The following USP3 variants were observed in gnomAD, a reference collection of about 807,000 sequenced individuals.
The protein encoded by USP3 is ubiquitin specific peptidase 3.
USP3 carries 20 observed loss-of-function variants against 72.3 expected under a neutral mutation model. The observed-to-expected ratio is 0.28, with a 90% CI of 0.19 to 0.40. The LOEUF is 0.40. Among genes scored for constraint, USP3 ranks in the 10% least tolerant of loss-of-function variants. The pLI is 1.00. For missense variants in USP3, 479 were observed against 633.9 expected, an observed-to-expected ratio of 0.76 and a Z score of 2.62; for synonymous variants, 222 against 225.3, an observed-to-expected ratio of 0.99 and a Z score of 0.13.
rs545943861 is a variant in USP3, at chr15:63,568,352, TA to T, written c.762-2061del. 7.3e-3 allele frequency among the ~76,000 whole-genome samples: 966 copies of T among 131,436 alleles called. 11 individuals are homozygous for T. The highest frequency in any genetic ancestry group is 0.019 in the African/African-American group (664 of 35,012). The allele number at this position is 131,436 out of a possible 152,430, so 86.2% of individuals were successfully genotyped here. On this transcript the variant is annotated intron_variant, in intron 8 of 14. Coordinates refer to ENST00000380324, the MANE Select transcript of USP3 (RefSeq NM_006537.4). Reference sequence around the variant, plus strand: ...CCTGACGACAGAGCGAGACTCCATCTAAAAAAAAAAAAAAAAAAAATTGGAG... The same window carrying T: ...CCTGACGACAGAGCGAGACTCCATCTAAAAAAAAAAAAAAAAAAATTGGAG...
chr15:63,518,322 A>G (rs569902930), intron 1 of USP3, among the ~76,000 whole-genome samples: 15 of 152,322 alleles, frequency 9.8e-5, no homozygotes, highest in Non-Finnish European at 1.8e-4. Context: ...TTGGATAGGT[A>G]TATGCCTGTG....
At chr15:63,569,844 A>G (rs1027795540) in intron 8 of USP3, among the ~76,000 whole-genome samples, 2 of 152,258 alleles carry the variant, frequency 1.3e-5, no homozygotes, top group South Asian at 2.1e-4. Flanking sequence ...GCATAACTGT[A>G]TATGAGCCAA....
At position 63,588,339 on chromosome 15, in the gene USP3, T is replaced by C; in HGVS notation, c.1131T>C (p.Leu377=). 1 of 1,599,162 alleles carries C rather than the reference T, an allele frequency of 6.3e-7. No homozygotes were observed. Among genetic ancestry groups the C allele is most frequent in the Non-Finnish European group, 8.5e-7 (1 of 1,176,416 alleles). The change falls in exon 12 of 15, where the codon CTT becomes CTC. Residue 377 remains leucine, a synonymous_variant. Transcript: ENST00000380324. The surrounding 1 kb of genome is among the most constrained non-coding windows in gnomAD (Gnocchi z 4.6). ...GCAGTTTTACCGACTTAGAAGAACT[T>C]GATGAGACAGAGTTATATATGTGCC... ...CLRSFTDLEE[L]DETELYMCHK... is the part of the protein sequence containing the mutation.
intron 1 of USP3, chr15:63,532,446 T>G: frequency 1.6e-6 from 1 of 620,816 alleles, no homozygotes; most frequent in Non-Finnish European, 2.9e-6. Context: ...AATGAGCCGC[T>G]GTTGTGGACA....
In USP3 at chr15:63,531,226, G is replaced by A. The variant is rs192849842; in HGVS notation, c.92-1421G>A. Among the ~76,000 whole-genome samples the A allele has an allele frequency of 2.4e-4, 37 of 152,254 alleles. No individual in the cohort carries two copies. The East Asian group carries it at 6.9e-3, about 29-fold the overall frequency. Reference sequence around the variant, plus strand: ...CAAATATAGGATGAACATAGTCAAAGATTTATTTAACTCATTAATGAGGGA... The same window carrying A: ...CAAATATAGGATGAACATAGTCAAAAATTTATTTAACTCATTAATGAGGGA... On this transcript the variant is annotated intron_variant, in intron 1 of 14. Coordinates refer to ENST00000380324, the MANE Select transcript of USP3 (RefSeq NM_006537.4).
At chr15:63,547,974 A>G (rs1034979614) in intron 3 of USP3, among the ~76,000 whole-genome samples, 3 of 151,560 alleles carry the variant, frequency 2.0e-5, no homozygotes, top group African/African-American at 7.3e-5. Flanking sequence ...TTAGCCAAGC[A>G]TGGTAGCGTG....
At chr15:63,590,616 G>T in intron 14 of USP3, 45 bp from the exon 15 acceptor site, 1 of 1,473,778 alleles carries the variant, frequency 6.8e-7, no homozygotes. Flanking sequence ...AGGTCTTTTT[G>T]TGATTTCTGA....
At chr15:63,559,506 T>G (rs531995967) in intron 6 of USP3, among the ~76,000 whole-genome samples, 87 of 152,370 alleles carry the variant, frequency 5.7e-4, no homozygotes, top group Middle Eastern at 3.4e-3. Flanking sequence ...TTTCATGGTT[T>G]GTTTTTATTT....
intron 3 of USP3, among the ~76,000 whole-genome samples, chr15:63,547,772 G>GGC (rs1420013760): frequency 4.9e-5 from 1 of 20,210 alleles, no homozygotes; most frequent in African/African-American, 3.4e-4. Flanking sequence ...GAGAGAGAGA[G>GGC]AGAGAGAGAG....
In USP3 at chr15:63,570,553, T is replaced by C. The variant is rs1566912288; in HGVS notation, c.882T>C (p.Thr294=). 6.2e-7 allele frequency: 1 copy of C among 1,613,914 alleles called. No individual in the cohort carries two copies. Among genetic ancestry groups the C allele is most frequent in the East Asian group, 2.2e-5 (1 of 44,886 alleles). The change falls in exon 9 of 15, where the codon ACT becomes ACC. Residue 294 remains threonine (T), a synonymous_variant. Coordinates refer to ENST00000380324, the MANE Select transcript of USP3 (RefSeq NM_006537.4). This position sits in a 1 kb window ranked among gnomAD's most constrained non-coding sequence, Gnocchi z 4.4. ...CAGCAATTCTGCAGGAGAATTCTAC[T>C]CTGTCTGCAAGTAACAAGTGTTGCA... ...SRSAILQENS[T]LSASNKCCIN...
chr15:63,549,617 C>T (rs1488837381), intron 3 of USP3, among the ~76,000 whole-genome samples: 4 of 152,028 alleles, frequency 2.6e-5, no homozygotes, highest in Admixed American at 6.5e-5. Flanking sequence ...AAAATGTGTA[C>T]GATCATTGAT....
At chr15:63,547,981 C>T (rs2066376268) in intron 3 of USP3, among the ~76,000 whole-genome samples, 1 of 151,654 alleles carries the variant, frequency 6.6e-6, no homozygotes, top group Non-Finnish European at 1.5e-5. Flanking sequence ...AGCATGGTAG[C>T]GTGCCTGCAG....
Position 63,570,677 on chromosome 15 carries a change from T to C in USP3, c.908+98T>C. On this transcript the variant is annotated intron_variant, in intron 9 of 14. Transcript: ENST00000380324. This position sits in a 1 kb window ranked among gnomAD's most constrained non-coding sequence, Gnocchi z 4.4. ...TTATAACGGAAGGTAGAGGGGTTTC[T>C]TGGACATTTGCTGGAACTTTTCGTG... 9 of 1,504,622 alleles carry C rather than the reference T, an allele frequency of 6.0e-6. No homozygotes were observed. The highest frequency in any genetic ancestry group is 8.0e-6 in the Non-Finnish European group (9 of 1,126,498). The allele number at this position is 1,504,622 out of a possible 1,614,324, so 93.2% of individuals were successfully genotyped here.
At chr15:63,510,409 A>T (rs1427681081) in intron 1 of USP3, among the ~76,000 whole-genome samples, 1 of 152,128 alleles carries the variant, frequency 6.6e-6, no homozygotes, top group Non-Finnish European at 1.5e-5. Flanking sequence ...TGAAAACAAA[A>T]TGTTAGTCTC....
intron 1 of USP3, among the ~76,000 whole-genome samples, chr15:63,527,261 A>G (rs760581930): frequency 6.6e-6 from 1 of 152,184 alleles, no homozygotes; most frequent in Non-Finnish European, 1.5e-5. Flanking sequence ...ATTTTACACT[A>G]AGGAAATAGA....
intron 9 of USP3, among the ~76,000 whole-genome samples, chr15:63,573,101 C>CT (rs1216352246): frequency 3.9e-5 from 6 of 152,184 alleles, no homozygotes; most frequent in Non-Finnish European, 5.9e-5. Flanking sequence ...TGTCCATACT[C>CT]TGACACACAG....
At chr15:63,560,947 C>A (rs571241582) in intron 7 of USP3, among the ~76,000 whole-genome samples, 82 of 152,284 alleles carry the variant, frequency 5.4e-4, no homozygotes, top group African/African-American at 1.9e-3. Flanking sequence ...CAGACACTTT[C>A]CTGCCTTGGT....
rs184541014 is a variant in USP3, at chr15:63,594,287, G to T, written c.*3461G>T. On this transcript the variant is annotated 3_prime_UTR_variant, in exon 15 of 15. Transcript: ENST00000380324. ...GGCCCTGGAAAAGCCGATGGAAAAAGTCTGTTCCTGCAGCCAAGGCCTGGG... is the reference window on the plus strand; with the variant it reads ...GGCCCTGGAAAAGCCGATGGAAAAATTCTGTTCCTGCAGCCAAGGCCTGGG... The T allele has an allele frequency of 3.3e-4, 50 of 152,344 alleles. No individual in the cohort carries two copies. Among genetic ancestry groups the T allele is most frequent in the African/African-American group, 1.1e-3 (45 of 41,560 alleles). 9.4% of individuals were successfully genotyped at this position (152,344 alleles called of 1,614,324 possible).
intron 1 of USP3, among the ~76,000 whole-genome samples, chr15:63,520,588 G>A: frequency 1.1e-5 from 1 of 93,702 alleles, no homozygotes; most frequent in East Asian, 2.5e-4. Flanking sequence ...TTTTGAGATG[G>A]AGTTTTGCTC....
Sources: allele counts gnomAD v4.1 joint callset (sites outside exome capture counted in the v4.1 genomes callset), GRCh38; gene constraint gnomAD v4.1.1; non-coding constraint Gnocchi (gnomAD v3.1); transcripts MANE v1.5; gene names NCBI Gene and HGNC (gene_info 2026-07-23, HGNC 2026-07-21).